Variants in CC2D2A observed in about 807,000 individuals in gnomAD.
CC2D2A encodes coiled-coil and C2 domain-containing protein 2A.
CC2D2A carries 155 observed loss-of-function variants against 212.9 expected under a neutral mutation model. The ratio of observed to expected loss-of-function variants is 0.73; its 90% confidence interval spans 0.64 to 0.83. CC2D2A has a LOEUF of 0.83. Ranked by LOEUF, CC2D2A falls within the 40% of genes least tolerant of loss-of-function variation. The pLI is 0.00. For synonymous variants in CC2D2A, 667 were observed against 686.5 expected, an observed-to-expected ratio of 0.97 and a Z score of 0.44; for missense variants, 1,856 against 1,956.2, an observed-to-expected ratio of 0.95 and a Z score of 0.97.
At chr4:15,536,658 C>T (rs1365029489) in intron 14 of CC2D2A, among the ~76,000 whole-genome samples, 1 of 152,098 alleles carries the variant, frequency 6.6e-6, no homozygotes, top group Non-Finnish European at 1.5e-5. Context: ...GCTCAGTGTT[C>T]AGTGGGTTGG....
At chr4:15,534,114 G>A (rs113113885) in intron 14 of CC2D2A, among the ~76,000 whole-genome samples, 3,116 of 152,240 alleles carry the variant, frequency 0.02, 48 homozygotes, top group Middle Eastern at 0.048. Flanking sequence ...TGACTATTTG[G>A]ATTTCCTCTT....
chr4:15,579,340 A>T (rs939543286), intron 29 of CC2D2A, among the ~76,000 whole-genome samples: 1 of 152,032 alleles, frequency 6.6e-6, no homozygotes, highest in Non-Finnish European at 1.5e-5. Flanking sequence ...AAAAAAAAAA[A>T]GTCTGGGAAT....
chr4:15,483,911 G>GCGTACCA (rs1714846169), intron 4 of CC2D2A, among the ~76,000 whole-genome samples: 1 of 152,184 alleles, frequency 6.6e-6, no homozygotes, highest in African/African-American at 2.4e-5. Flanking sequence ...ATGGGCGTTG[G>GCGTACCA]CTTAGACAAG....
chr4:15,567,713 C>T lies in CC2D2A; in HGVS notation c.3325C>T (p.Arg1109Ter), dbSNP rs760676442. 1.1e-5 allele frequency: 17 copies of T among 1,604,912 alleles called. No individual in the cohort carries two copies. The highest frequency in any genetic ancestry group is 2.3e-5 in the South Asian group (2 of 88,482). ...VRPFVEVSFQ[R>*]TVCHTTTAEG... ...TCCCTTTGTAGAAGTCTCTTTTCAACGAACAGTTTGCCATACGACTACGGC... is the reference window on the plus strand; with the variant it reads ...TCCCTTTGTAGAAGTCTCTTTTCAATGAACAGTTTGCCATACGACTACGGC... Residue 1109 changes from arginine (R) to a stop codon, truncating the protein, a stop_gained, in exon 26 of 37, where the codon CGA (arginine) becomes TGA (stop). Transcript: ENST00000424120. LOFTEE classifies it high-confidence loss of function.
At chr4:15,570,352 G>C in intron 27 of CC2D2A, 46 bp from the exon 28 acceptor site, 1 of 1,196,574 alleles carries the variant, frequency 8.4e-7, no homozygotes, top group East Asian at 2.5e-5. Context: ...AATTAAATGA[G>C]TTTCTGGAGT....
At chr4:15,597,560 T>C (rs1380847865) in intron 35 of CC2D2A, 95 bp downstream of exon 35, 1 of 936,432 alleles carries the variant, frequency 1.1e-6, no homozygotes, top group African/African-American at 1.7e-5. Context: ...GTGAAACAAT[T>C]TAGGCAACTT....
intron 17 of CC2D2A, among the ~76,000 whole-genome samples, chr4:15,550,154 T>C (rs931715726): frequency 6.6e-6 from 1 of 152,160 alleles, no homozygotes; most frequent in Non-Finnish European, 1.5e-5. Context: ...TGTGTATTCT[T>C]AAACGATGGT....
At chr4:15,485,308 T>G (rs1162281982) in intron 4 of CC2D2A, among the ~76,000 whole-genome samples, 2 of 152,198 alleles carry the variant, frequency 1.3e-5, no homozygotes, top group African/African-American at 2.4e-5. Flanking sequence ...ACTGCAAAAT[T>G]TCATTCTTTT....
chr4:15,537,008 G>A lies in CC2D2A; in HGVS notation c.1696G>A (p.Glu566Lys), dbSNP rs780814559. 2 of 1,613,784 alleles carry A rather than the reference G, an allele frequency of 1.2e-6. No homozygotes were observed. The highest frequency in any genetic ancestry group is 1.1e-5 in the South Asian group (1 of 91,044). The change falls in exon 15 of 37, where the codon GAG (glutamate) becomes AAG (lysine). Residue 566 changes from glutamate to lysine, a missense_variant. Transcript: ENST00000424120. ...ISELLEEHTE[E>K]YAQKMEEYRT... ...TGAACTGTTAGAAGAGCACACGGAG[G>A]AGTACGCACAGAAGATGGAAGAATA...
intron 23 of CC2D2A, chr4:15,561,472 C>T (rs536245788): frequency 6.6e-6 from 1 of 152,130 alleles, no homozygotes; most frequent in Non-Finnish European, 1.5e-5. Context: ...GGCCCACAGT[C>T]CAGTCATTGA....
chr4:15,597,639 C>G (rs1050161677), intron 35 of CC2D2A, among the ~76,000 whole-genome samples, 174 bp downstream of exon 35: 34 of 152,164 alleles, frequency 2.2e-4, no homozygotes, highest in Non-Finnish European at 4.4e-5. Flanking sequence ...CAAAAGGAGC[C>G]TTTAGCATCA....
intron 17 of CC2D2A, among the ~76,000 whole-genome samples, chr4:15,547,605 A>T (rs1718777352): frequency 6.6e-6 from 1 of 152,204 alleles, no homozygotes; most frequent in African/African-American, 2.4e-5. Context: ...ACAAAGAATT[A>T]CTTGGCCTGA....
At chr4:15,519,284 C>T (rs1331670177) in intron 11 of CC2D2A, 2 of 388,394 alleles carry the variant, frequency 5.1e-6, no homozygotes, top group Non-Finnish European at 1.0e-5. Flanking sequence ...CACATTTGCT[C>T]CAGTTCCCAA....
intron 30 of CC2D2A, among the ~76,000 whole-genome samples, chr4:15,583,427 T>C (rs1205030590): frequency 1.3e-5 from 2 of 152,162 alleles, no homozygotes; most frequent in African/African-American, 2.4e-5. Context: ...TGATCATAAA[T>C]TTAGAAAACC....
chr4:15,471,190 C>T (rs772611412), intron 1 of CC2D2A, among the ~76,000 whole-genome samples: 1 of 152,114 alleles, frequency 6.6e-6, no homozygotes, highest in African/African-American at 2.4e-5. Context: ...GGCACCTCCC[C>T]AGGTGTCCAA....
At chr4:15,517,244 G>A (rs1345476279) in intron 11 of CC2D2A, among the ~76,000 whole-genome samples, 2 of 151,800 alleles carry the variant, frequency 1.3e-5, no homozygotes, top group African/African-American at 2.4e-5. Flanking sequence ...ACCGCGCCCA[G>A]CCCAATGCAT....
Position 15,536,999 on chromosome 4 carries a change from C to A in CC2D2A, c.1687C>A (p.His563Asn). 6.2e-7 allele frequency: 1 copy of A among 1,613,592 alleles called. No individual in the cohort carries two copies. The highest frequency in any genetic ancestry group is 8.5e-7 in the Non-Finnish European group (1 of 1,179,640). The change falls in exon 15 of 37, where the codon CAC becomes AAC. Residue 563 changes from histidine to asparagine, a missense_variant. By Grantham distance (68) the His-to-Asn change is moderately conservative. Around this residue, in one of 5 missense-constraint regions of CC2D2A, gnomAD observed 1,512 missense variants for 1,579.3 expected, o/e 0.96. Transcript: ENST00000424120. The stretch of plus-strand genomic sequence containing the variant: ...TGAAATAAGTGAACTGTTAGAAGAG[C>A]ACACGGAGGAGTACGCACAGAAGAT... ...QAEISELLEEHTEEYAQKMEE... is the reference protein window; with the variant it reads ...QAEISELLEENTEEYAQKMEE...
At chr4:15,473,987 T>C (rs1714004741) in intron 1 of CC2D2A, among the ~76,000 whole-genome samples, 1 of 152,174 alleles carries the variant, frequency 6.6e-6, no homozygotes, top group Non-Finnish European at 1.5e-5. Context: ...ATCAAGCAGA[T>C]ACTTGAGTCT....
In CC2D2A at chr4:15,475,712, G is replaced by C. The variant is rs1364355609; in HGVS notation, c.-18-203G>C. 4.6e-5 allele frequency among the ~76,000 whole-genome samples: 7 copies of C among 152,154 alleles called. No homozygotes were observed. The East Asian group carries it at 1.4e-3, about 29-fold the overall frequency. The stretch of plus-strand genomic sequence containing the variant: ...GGCACAGTAAAGGCAGGCTCCCAGG[G>C]ACAGGGAGACCTGGCATCCTTCCTT... On this transcript the variant is annotated intron_variant, in intron 1 of 36. Transcript: ENST00000424120.
Sources: gnomAD v4.1 joint callset for allele counts (sites outside exome capture counted in the v4.1 genomes callset) on GRCh38, gnomAD v4.1.1 for gene constraint, gnomAD v4.1.1 regional missense constraint, MANE v1.5 for transcripts, NCBI Gene and HGNC (gene_info 2026-07-23, HGNC 2026-07-21) for gene names.